The following ACP7 variants were observed in gnomAD, a reference collection of about 807,000 sequenced individuals.
ACP7 encodes the protein acid phosphatase type 7.
ACP7 carries 58 observed loss-of-function variants against 60.6 expected under a neutral mutation model. The ratio of observed to expected loss-of-function variants is 0.96; its 90% confidence interval spans 0.77 to 1.19. The LOEUF is 1.19. Among genes scored for constraint, ACP7 ranks in the 50% most tolerant of loss-of-function variants. ACP7 has a pLI of 0.00. For synonymous variants in ACP7, 237 were observed against 232.6 expected, an observed-to-expected ratio of 1.02 and a Z score of -0.17; for missense variants, 574 against 596.2, an observed-to-expected ratio of 0.96 and a Z score of 0.39.
At chr19:39,090,384 G>C (rs1057443597) in intron 2 of ACP7, among the ~76,000 whole-genome samples, 2 of 152,008 alleles carry the variant, frequency 1.3e-5, no homozygotes, top group Middle Eastern at 3.2e-3. Context: ...GCCCAGGCTG[G>C]TCTTGAATTC....
At chr19:39,107,661 A>G (rs1270320105) in intron 12 of ACP7, among the ~76,000 whole-genome samples, 7 of 150,792 alleles carry the variant, frequency 4.6e-5, no homozygotes. Context: ...TGAGGTGGGC[A>G]GATCACTTGA....
intron 8 of ACP7, 34 bp downstream of exon 8, chr19:39,101,090 G>T (rs1228599839): frequency 1.2e-6 from 2 of 1,613,756 alleles, no homozygotes; most frequent in African/African-American, 1.3e-5. Context: ...GTGGGGACAT[G>T]CTGAAAGCCA....
At chr19:39,095,941 C>T (rs1200228615) in intron 2 of ACP7, among the ~76,000 whole-genome samples, 1 of 152,204 alleles carries the variant, frequency 6.6e-6, no homozygotes, top group East Asian at 1.9e-4. Flanking sequence ...ACAGCTGGAG[C>T]AGCTAGAATG....
intron 2 of ACP7, among the ~76,000 whole-genome samples, chr19:39,087,737 G>A (rs753996288): frequency 1.8e-4 from 27 of 151,458 alleles, no homozygotes; most frequent in Non-Finnish European, 1.9e-4. Flanking sequence ...GGTTTCAAGC[G>A]ATTCTCCTGC....
rs1414571343 is a variant in ACP7, at chr19:39,098,604, A to G, written c.268A>G (p.Lys90Glu). The change falls in exon 3 of 13, where the codon AAG becomes GAG. Residue 90 changes from lysine to glutamate, a missense_variant. Coordinates refer to ENST00000331256, the MANE Select transcript of ACP7 (RefSeq NM_001004318.3). ...PFVDGGILRR[K>E]LYIHRVTLRK... ...TGTGGACGGGGGCATTCTCCGGCGG[A>G]AGCTCTACATACACCGAGTCACGCT... The G allele has an allele frequency of 6.2e-7, 1 of 1,613,568 alleles. No homozygotes were observed. Among genetic ancestry groups the G allele is most frequent in the East Asian group, 2.2e-5 (1 of 44,858 alleles).
Position 39,098,619 on chromosome 19 carries a change from C to A in ACP7, c.283C>A (p.Arg95=). 1 of 1,613,306 alleles carries A rather than the reference C, an allele frequency of 6.2e-7. No individual in the cohort carries two copies. Among genetic ancestry groups the A allele is most frequent in the Non-Finnish European group, 8.5e-7 (1 of 1,179,606 alleles). The change falls in exon 3 of 13, where the codon CGA becomes AGA. Residue 95 remains arginine, a synonymous_variant. Coordinates refer to ENST00000331256, the MANE Select transcript of ACP7 (RefSeq NM_001004318.3). ...TCTCCGGCGGAAGCTCTACATACAC[C>A]GAGTCACGCTTCGCAAGCTGCTGCC... ...GILRRKLYIH[R]VTLRKLLPGV... is the part of the protein sequence containing the mutation.
intron 11 of ACP7, among the ~76,000 whole-genome samples, chr19:39,104,385 G>A (rs140758474): frequency 8.9e-4 from 136 of 152,128 alleles, no homozygotes; most frequent in African/African-American, 2.9e-3. Context: ...TACCTATGGA[G>A]CTTTCAAAAG....
chr19:39,107,750 G>A (rs1000984686), intron 12 of ACP7, among the ~76,000 whole-genome samples: 7 of 152,078 alleles, frequency 4.6e-5, no homozygotes, highest in Non-Finnish European at 7.4e-5. Context: ...GCTGGCCATG[G>A]TGGCGGGTGC....
In ACP7 at chr19:39,101,061, G is replaced by A; in HGVS notation, c.915+5G>A. On this transcript the variant is annotated splice_donor_5th_base_variant and intron_variant, in intron 8 of 12. Coordinates refer to ENST00000331256, the MANE Select transcript of ACP7 (RefSeq NM_001004318.3). ...TGCACACGACATGAAAGCAAGGTGA[G>A]GTCCCTCCCTGGGAGACAGTGGGGA... 2.5e-6 allele frequency: 4 copies of A among 1,614,012 alleles called. No individual in the cohort carries two copies. The highest frequency in any genetic ancestry group is 3.4e-6 in the Non-Finnish European group (4 of 1,180,024).
intron 2 of ACP7, among the ~76,000 whole-genome samples, chr19:39,091,160 CTTTCT>C (rs1313654653): frequency 2.0e-4 from 30 of 149,526 alleles, no homozygotes; most frequent in African/African-American, 7.2e-4. Context: ...AGTTTCTTTT[CTTTCT>C]TTTTTTTTTT....
At chr19:39,103,783 G>A (rs143421438) in intron 11 of ACP7, among the ~76,000 whole-genome samples, 1 of 152,232 alleles carries the variant, frequency 6.6e-6, no homozygotes, top group Non-Finnish European at 1.5e-5. Context: ...AGCTGAGACT[G>A]TGCTACTGCA....
chr19:39,097,987 A>C (rs964132534), intron 2 of ACP7, among the ~76,000 whole-genome samples: 1 of 152,086 alleles, frequency 6.6e-6, no homozygotes, highest in Non-Finnish European at 1.5e-5. Flanking sequence ...GAGCTGGCTC[A>C]TGCCTGTAAT....
At chr19:39,087,135 G>A (rs1376330095) in intron 2 of ACP7, among the ~76,000 whole-genome samples, 8 of 151,718 alleles carry the variant, frequency 5.3e-5, no homozygotes, top group South Asian at 4.2e-4. Flanking sequence ...TCAGCCTCCC[G>A]AGTAGCTGGG....
At chr19:39,087,881 A>G (rs570400706) in intron 2 of ACP7, among the ~76,000 whole-genome samples, 66 of 151,664 alleles carry the variant, frequency 4.4e-4, no homozygotes, top group Non-Finnish European at 6.8e-4. Context: ...TGATCCACCC[A>G]CCTCTGCCTC....
Position 39,107,058 on chromosome 19 carries a change from C to T in ACP7, c.1225C>T (p.His409Tyr), listed in dbSNP as rs1468163371. 1.2e-6 allele frequency: 2 copies of T among 1,614,022 alleles called. No homozygotes were observed. The highest frequency in any genetic ancestry group is 1.7e-6 in the Non-Finnish European group (2 of 1,179,988). Reference protein sequence around the residue: ...RLHILNGTHIHIQQVSDDQDG... With the variant: ...RLHILNGTHIYIQQVSDDQDG... ...GCACATCCTCAACGGGACCCACATC[C>T]ACATCCAGCAGGTGTCGGACGACCA... Residue 409 changes from histidine to tyrosine, a missense_variant, in exon 12 of 13, where the codon CAC (histidine) becomes TAC (tyrosine). Physicochemically the swap from His to Tyr is moderately conservative, Grantham distance 83. Coordinates refer to ENST00000331256, the MANE Select transcript of ACP7 (RefSeq NM_001004318.3).
chr19:39,100,694 G>A, intron 6 of ACP7, 45 bp from the exon 7 acceptor site: 1 of 1,612,428 alleles, frequency 6.2e-7, no homozygotes, highest in Non-Finnish European at 8.5e-7. Context: ...GATGGGAGAT[G>A]CAGGGGAGCC....
chr19:39,084,764 G>A (rs2073122161), intron 1 of ACP7, among the ~76,000 whole-genome samples: 1 of 152,084 alleles, frequency 6.6e-6, no homozygotes, highest in African/African-American at 2.4e-5. Context: ...ATGGGGCTGC[G>A]GAATGCAACC....
intron 5 of ACP7, 22 bp downstream of exon 5, chr19:39,100,372 G>A (rs566109815): frequency 9.9e-6 from 16 of 1,612,976 alleles, no homozygotes; most frequent in South Asian, 7.7e-5. Flanking sequence ...GGGTGGTGGC[G>A]GTGGGCGAGG....
intron 2 of ACP7, among the ~76,000 whole-genome samples, chr19:39,089,443 C>CT (rs942480808): frequency 6.6e-6 from 1 of 152,154 alleles, no homozygotes; most frequent in African/African-American, 2.4e-5. Flanking sequence ...GAGTTCCTGT[C>CT]TCCCCTCACT....
Sources: gnomAD v4.1 joint callset for allele counts (sites outside exome capture counted in the v4.1 genomes callset) on GRCh38, gnomAD v4.1.1 for gene constraint, MANE v1.5 for transcripts, NCBI Gene and HGNC (gene_info 2026-07-23, HGNC 2026-07-21) for gene names.